Variants in XKRX observed in about 807,000 individuals in gnomAD.
The protein encoded by XKRX is XK-related protein 2.
A neutral mutation model predicts 22.4 loss-of-function variants in XKRX; 11 were observed. The ratio of observed to expected loss-of-function variants is 0.49; its 90% CI spans 0.31 to 0.81. The LOEUF is 0.81. XKRX is among the 40% of genes least tolerant of loss of function. XKRX has a pLI of 0.05. For synonymous variants in XKRX, 114 were observed against 132.2 expected, an observed-to-expected ratio of 0.86 and a Z score of 0.94; for missense variants, 320 against 336.5, an observed-to-expected ratio of 0.95 and a Z score of 0.38.
At chrX:100,887,595 C>T in the XKRX span, 2 of 611,903 alleles carry the variant, frequency 3.3e-6, no homozygotes, top group Admixed American at 4.8e-5. Context: ...TTCCCTGTCA[C>T]TTCTCTGGCT....
the XKRX span, among the ~76,000 whole-genome samples, chrX:100,938,201 C>T: frequency 8.1e-5 from 9 of 111,618 alleles, no homozygotes; most frequent in Non-Finnish European, 7.5e-5. Flanking sequence ...TCAGGTAGAC[C>T]GGATAGTGAC....
At chrX:100,919,603 T>C (rs1224573295) in intron 2 of XKRX, among the ~76,000 whole-genome samples, 2 of 111,717 alleles carry the variant, frequency 1.8e-5, no homozygotes, top group Non-Finnish European at 1.9e-5. Flanking sequence ...GAGTAAAATA[T>C]ATAAACAAGC....
At chrX:100,926,943 T>C (rs1189398455) in intron 1 of XKRX, among the ~76,000 whole-genome samples, 3 of 111,733 alleles carry the variant, frequency 2.7e-5, no homozygotes, top group Non-Finnish European at 5.6e-5. Context: ...GGGTACAGAT[T>C]ACCACAGATG....
the XKRX span, among the ~76,000 whole-genome samples, chrX:100,951,650 G>GA: frequency 1.8e-4 from 20 of 109,763 alleles, no homozygotes; most frequent in East Asian, 1.7e-3. Flanking sequence ...ATTCTTTGGG[G>GA]AAAAAAAATC....
At chrX:100,957,337 C>T in the XKRX span, 1 of 1,141,073 alleles carries the variant, frequency 8.8e-7, no homozygotes, top group Non-Finnish European at 1.2e-6. Context: ...GTGATTTGGA[C>T]TCCGGTTACT....
At chrX:100,898,930 T>A in the XKRX span, among the ~76,000 whole-genome samples, 2 of 111,245 alleles carry the variant, frequency 1.8e-5, no homozygotes, top group African/African-American at 6.5e-5. Context: ...TGGCCACATG[T>A]AGCAAAGAAA....
At chrX:100,915,387 T>C (rs985499911) in intron 2 of XKRX, among the ~76,000 whole-genome samples, 3 of 109,593 alleles carry the variant, frequency 2.7e-5, no homozygotes, top group African/African-American at 1.0e-4. Context: ...ATGGCTATTA[T>C]TAAAAAAAAA....
At chrX:100,887,680 A>G in the XKRX span, 13 of 655,207 alleles carry the variant, frequency 2.0e-5, no homozygotes, top group East Asian at 6.4e-5. Context: ...TACTGGAACC[A>G]CCATAGCCAC....
chrX:100,918,794 T>C (rs1232856511), intron 2 of XKRX, among the ~76,000 whole-genome samples: 1 of 111,279 alleles, frequency 9.0e-6, no homozygotes, highest in Non-Finnish European at 1.9e-5. Context: ...CCTTCTTCCC[T>C]TCTTCCTTTC....
upstream of XKRX, chrX:100,928,923 T>G (rs957629744): frequency 1.5e-6 from 1 of 667,396 alleles, no homozygotes; most frequent in African/African-American, 2.4e-5. Context: ...CTTTGCCGAG[T>G]CCAGGGTTCT....
At chrX:100,922,055 A>G (rs947844216) in intron 2 of XKRX, among the ~76,000 whole-genome samples, 3 of 109,179 alleles carry the variant, frequency 2.7e-5, no homozygotes, top group East Asian at 5.8e-4. Flanking sequence ...GGATGGTCTC[A>G]ATCTCCTGAC....
At chrX:100,942,003 G>A in the XKRX span, among the ~76,000 whole-genome samples, 2 of 109,282 alleles carry the variant, frequency 1.8e-5, no homozygotes, top group Admixed American at 9.8e-5. Context: ...ACACACCACC[G>A]CACCCGGCTA....
chrX:100,887,448 C>T, the XKRX span, among the ~76,000 whole-genome samples: 4 of 112,623 alleles, frequency 3.6e-5, no homozygotes, highest in Non-Finnish European at 7.5e-5. Context: ...ACCTGTTATA[C>T]AATTAGTCAC....
At chrX:100,927,738 G>A (rs1204415) in intron 1 of XKRX, among the ~76,000 whole-genome samples, 3 of 111,210 alleles carry the variant, frequency 2.7e-5, no homozygotes, top group Non-Finnish European at 5.7e-5. Context: ...GTTTACACAG[G>A]CCAAATAGCA....
chrX:100,958,112 C>T, the XKRX span, among the ~76,000 whole-genome samples: 1 of 112,153 alleles, frequency 8.9e-6, no homozygotes, highest in African/African-American at 3.2e-5. Context: ...CTTACTGTTG[C>T]TTAGCCTCCT....
chrX:100,889,251 AAAAAG>A, the XKRX span, among the ~76,000 whole-genome samples: 2 of 108,128 alleles, frequency 1.8e-5, no homozygotes, highest in Admixed American at 2.0e-4. Flanking sequence ...AAAAAAAAAA[AAAAAG>A]AAAAAGAAAA....
At chrX:100,889,715 C>A in the XKRX span, among the ~76,000 whole-genome samples, 1 of 111,770 alleles carries the variant, frequency 8.9e-6, no homozygotes, top group Non-Finnish European at 1.9e-5. Flanking sequence ...CCAAAAGGAA[C>A]AAACCCAGGC....
At chrX:100,938,015 C>T in the XKRX span, among the ~76,000 whole-genome samples, 2 of 111,797 alleles carry the variant, frequency 1.8e-5, no homozygotes. Flanking sequence ...CCCTAGCACT[C>T]CTGCCTCACT....
chrX:100,890,722 C>T, the XKRX span, among the ~76,000 whole-genome samples: 2 of 111,203 alleles, frequency 1.8e-5, no homozygotes, highest in African/African-American at 6.5e-5. Flanking sequence ...CAAGCTGGCT[C>T]TTTATAGGAT....
Sources: gnomAD v4.1 joint callset for allele counts (sites outside exome capture counted in the v4.1 genomes callset) on GRCh38, gnomAD v4.1.1 for gene constraint, MANE v1.5 for transcripts, NCBI Gene and HGNC (gene_info 2026-07-23, HGNC 2026-07-21) for gene names.